Variants in OLFML2A observed in about 807,000 individuals in gnomAD.
OLFML2A encodes the protein olfactomedin-like protein 2A.
OLFML2A carries 47 observed loss-of-function variants against 60.9 expected under a neutral mutation model. The observed-to-expected ratio is 0.77, with a 90% CI of 0.61 to 0.98. The LOEUF (loss-of-function observed/expected upper bound fraction) is 0.98, where lower values mean the gene tolerates loss of function less well. Ranked by LOEUF, OLFML2A falls within the 50% of genes least tolerant of loss-of-function variation. OLFML2A has a pLI of 0.00. For synonymous variants in OLFML2A, 372 were observed against 375.0 expected (o/e 0.99, Z 0.09); for missense variants, 922 against 879.8 (o/e 1.05, Z -0.61).
chr9:124,807,919 A>C lies in OLFML2A; in HGVS notation c.1307A>C (p.Tyr436Ser). The C allele has an allele frequency of 1.2e-6, 2 of 1,614,098 alleles. No individual in the cohort carries two copies. The highest frequency in any genetic ancestry group is 1.7e-6 in the Non-Finnish European group (2 of 1,179,974). The change falls in exon 7 of 8, where the codon TAT becomes TCT. Residue 436 changes from tyrosine to serine, a missense_variant. Transcript: ENST00000373580. ...DDRIYVTNYY[Y>S]GNSLVEFRNL... ...AGGATCTATGTCACCAACTACTACT[A>C]TGGAAACAGCCTGGTGGAGTTCCGC...
At chr9:124,796,371 T>C (rs1841671582) in intron 3 of OLFML2A, among the ~76,000 whole-genome samples, 1 of 152,240 alleles carries the variant, frequency 6.6e-6, no homozygotes, top group African/African-American at 2.4e-5. Context: ...TATTCTCCTT[T>C]GATCTTTCCT....
Position 124,777,458 on chromosome 9 carries a change from G to A in OLFML2A, c.90+98G>A. The A allele has an allele frequency of 6.0e-6, 7 of 1,159,514 alleles. No homozygotes were observed. The highest frequency in any genetic ancestry group is 7.5e-6 in the Non-Finnish European group (7 of 928,446). 71.8% of individuals were successfully genotyped at this position (1,159,514 alleles called of 1,614,324 possible). A position where few individuals can be genotyped will look rare whatever the true frequency, so the allele number is the denominator to read the frequency against. Reference sequence around the variant, plus strand: ...GCCCGGGAGGGAGCCCGGGGCCAGGGCGGAGGAGCCGGGAGCTGAGAGACC... The same window carrying A: ...GCCCGGGAGGGAGCCCGGGGCCAGGACGGAGGAGCCGGGAGCTGAGAGACC... On this transcript the variant is annotated intron_variant, in intron 1 of 7. Transcript: ENST00000373580. The surrounding 1 kb of genome is among the most constrained non-coding windows in gnomAD (Gnocchi z 6.2).
At chr9:124,804,906 A>G (rs992939616) in intron 6 of OLFML2A, among the ~76,000 whole-genome samples, 5 of 151,822 alleles carry the variant, frequency 3.3e-5, no homozygotes, top group African/African-American at 1.2e-4. Context: ...ACAGGGTTTC[A>G]CTACCAGGCT....
chr9:124,810,067 C>T lies in OLFML2A; in HGVS notation c.1614C>T (p.Asp538=), dbSNP rs1448450449. The change falls in exon 8 of 8, where the codon GAC becomes GAT. Residue 538 remains aspartate (D), a synonymous_variant. Coordinates refer to ENST00000373580, the MANE Select transcript of OLFML2A (RefSeq NM_182487.4). ...TGTGGGTCATCTACCCCGCCGTGGACGACCGCGATGAGGCCCAGCCCGAGG... is the reference window on the plus strand; with the variant it reads ...TGTGGGTCATCTACCCCGCCGTGGATGACCGCGATGAGGCCCAGCCCGAGG... The part of the protein sequence containing the change: ...SGLWVIYPAV[D]DRDEAQPEVI... 6.2e-6 allele frequency: 10 copies of T among 1,613,784 alleles called. No homozygotes were observed. The highest frequency in any genetic ancestry group is 1.3e-5 in the African/African-American group (1 of 74,936).
chr9:124,778,286 G>A (rs529668815), intron 1 of OLFML2A, among the ~76,000 whole-genome samples: 17 of 151,894 alleles, frequency 1.1e-4, no homozygotes, highest in African/African-American at 3.9e-4. Context: ...GCGTGAACCC[G>A]GGAGGCGGAG....
Position 124,804,343 on chromosome 9 carries a change from G to C in OLFML2A, c.1168+1G>C, listed in dbSNP as rs1478597665. On this transcript the variant is annotated splice_donor_variant, in intron 6 of 7. Coordinates refer to ENST00000373580, the MANE Select transcript of OLFML2A (RefSeq NM_182487.4). LOFTEE classifies it high-confidence loss of function. ...TCAGGTCCAGAAGTCTCCAGCCAAG[G>C]TGAGTGAGCCTCACAGGAGTCAGCA... is the stretch of plus-strand genomic sequence containing the variant. 1.3e-6 allele frequency: 2 copies of C among 1,541,416 alleles called. No individual in the cohort carries two copies. Among genetic ancestry groups the C allele is most frequent in the Non-Finnish European group, 1.8e-6 (2 of 1,142,836 alleles).
In OLFML2A at chr9:124,808,045, T is replaced by C. The variant is rs1564289275; in HGVS notation, c.1354+79T>C. The C allele has an allele frequency of 6.3e-6, 7 of 1,113,736 alleles. No homozygotes were observed. The Admixed American group carries it at 1.3e-4, about 21-fold the overall frequency. 69.0% of individuals were successfully genotyped at this position (1,113,736 alleles called of 1,614,324 possible). A position where few individuals can be genotyped will look rare whatever the true frequency, so the allele number is the denominator to read the frequency against. ...GGTCCTCATGGGGACTTGGCCTTCC[T>C]TGCCTTGTGGGTTTCTATGGTATAG... On this transcript the variant is annotated intron_variant, in intron 7 of 7. Coordinates refer to ENST00000373580, the MANE Select transcript of OLFML2A (RefSeq NM_182487.4).
At chr9:124,809,291 A>G (rs938610613) in intron 7 of OLFML2A, among the ~76,000 whole-genome samples, 7 of 152,190 alleles carry the variant, frequency 4.6e-5, no homozygotes, top group African/African-American at 1.7e-4. Flanking sequence ...AAGTATCAAG[A>G]TGAAGGCTTC....
At chr9:124,793,462 A>G (rs1012054202) in intron 2 of OLFML2A, among the ~76,000 whole-genome samples, 2 of 152,178 alleles carry the variant, frequency 1.3e-5, no homozygotes, top group Non-Finnish European at 2.9e-5. Flanking sequence ...TGACCATGAC[A>G]CAGGAGCCAT....
intron 3 of OLFML2A, among the ~76,000 whole-genome samples, chr9:124,796,179 C>T (rs1564285039): frequency 6.6e-6 from 1 of 152,220 alleles, no homozygotes; most frequent in Non-Finnish European, 1.5e-5. Context: ...TTAACCCCTT[C>T]CTCACCCCAA....
intron 1 of OLFML2A, chr9:124,778,815 C>CA (rs112508575): frequency 0.057 from 11,028 of 192,086 alleles, 331 homozygotes; most frequent in African/African-American, 0.13. Context: ...ACAAAACAAA[C>CA]AAAAAAAAAA....
chr9:124,778,210 A>C (rs1272881250), intron 1 of OLFML2A, among the ~76,000 whole-genome samples: 1 of 151,926 alleles, frequency 6.6e-6, no homozygotes, highest in Non-Finnish European at 1.5e-5. Flanking sequence ...ATACAAAAAA[A>C]AGTAGCCAGG....
chr9:124,784,943 G>GTTTCTTTTTTTTTTTTT (rs1841429673), intron 1 of OLFML2A, among the ~76,000 whole-genome samples: 1 of 69,542 alleles, frequency 1.4e-5, no homozygotes, highest in African/African-American at 6.5e-5. Context: ...CCTTTTACTT[G>GTTTCTTTTTTTTTTTTT]TTTTTTTTTT....
In OLFML2A at chr9:124,780,853, CAA is replaced by C. The variant is rs566078006; in HGVS notation, c.90+3496_90+3497del. Among the ~76,000 whole-genome samples the C allele has an allele frequency of 1.2e-3, 181 of 152,276 alleles. 2 individuals are homozygous for C. The highest frequency in any genetic ancestry group is 3.9e-3 in the African/African-American group (162 of 41,536). On this transcript the variant is annotated intron_variant, in intron 1 of 7. Transcript: ENST00000373580. The stretch of plus-strand genomic sequence containing the variant: ...TTTTATGGTCTTGAACACTGAGGCT[CAA>C]AAGAGTCTGATTGAGGTTGTTCAAA...
Position 124,801,463 on chromosome 9 carries a change from A to G in OLFML2A, c.719A>G (p.Gln240Arg), listed in dbSNP as rs1841772467. The change falls in exon 5 of 8, where the codon CAG becomes CGG. Residue 240 changes from glutamine (Q) to arginine (R), a missense_variant. By Grantham distance (43) the Gln-to-Arg change is conservative. Transcript: ENST00000373580. ...GACATCAGCAAGTATGGCAGTGTGC[A>G]GAAAAGCTTTGCAGACAGAGGCCTC... Reference protein sequence around the residue: ...GKDISKYGSVQKSFADRGLPK... With the variant: ...GKDISKYGSVRKSFADRGLPK... 1 of 1,614,136 alleles carries G rather than the reference A, an allele frequency of 6.2e-7. No homozygotes were observed. The highest frequency in any genetic ancestry group is 2.2e-5 in the East Asian group (1 of 44,882).
At chr9:124,809,166 C>T (rs185987619) in intron 7 of OLFML2A, among the ~76,000 whole-genome samples, 2 of 151,874 alleles carry the variant, frequency 1.3e-5, no homozygotes, top group East Asian at 1.9e-4. Flanking sequence ...GACTCTATCT[C>T]GAAAAATATG....
chr9:124,782,856 G>A (rs1362097394), intron 1 of OLFML2A, among the ~76,000 whole-genome samples: 1 of 152,132 alleles, frequency 6.6e-6, no homozygotes, highest in Non-Finnish European at 1.5e-5. Flanking sequence ...CCAGGAGGAG[G>A]CTTCCCTGGC....
rs75414524 is a variant in OLFML2A, at chr9:124,804,308, C to T, written c.1134C>T (p.Thr378=). The T allele has an allele frequency of 7.7e-6, 12 of 1,554,144 alleles. No individual in the cohort carries two copies. The highest frequency in any genetic ancestry group is 4.1e-5 in the African/African-American group (3 of 73,068). The change falls in exon 6 of 8, where the codon ACC becomes ACT. Residue 378 remains threonine (T), a synonymous_variant. Transcript: ENST00000373580. ...CCCCCACCACCAGTCTCCTGCCCAC[C>T]GAGCCACCTTCAGGTCCAGAAGTCT... The part of the protein sequence containing the change: ...TPTPTTSLLP[T]EPPSGPEVSS...
chr9:124,810,018 A>G lies in OLFML2A; in HGVS notation c.1565A>G (p.Asp522Gly), dbSNP rs772573094. Residue 522 changes from aspartate (D) to glycine (G), a missense_variant, in exon 8 of 8, where the codon GAC becomes GGC. Coordinates refer to ENST00000373580, the MANE Select transcript of OLFML2A (RefSeq NM_182487.4). The stretch of plus-strand genomic sequence containing the variant: ...AAGTGGCGCGGACACTCGGACATTG[A>G]CTTTGCCGTGGACGAGAGCGGCCTG... Reference protein sequence around the residue: ...PWKWRGHSDIDFAVDESGLWV... With the variant: ...PWKWRGHSDIGFAVDESGLWV... 15 of 1,613,866 alleles carry G rather than the reference A, an allele frequency of 9.3e-6. No homozygotes were observed. The highest frequency in any genetic ancestry group is 1.3e-5 in the Non-Finnish European group (15 of 1,180,020).
Sources: gnomAD v4.1 joint callset for allele counts (sites outside exome capture counted in the v4.1 genomes callset) on GRCh38, gnomAD v4.1.1 for gene constraint, Gnocchi (gnomAD v3.1) non-coding constraint, MANE v1.5 for transcripts, NCBI Gene and HGNC (gene_info 2026-07-23, HGNC 2026-07-21) for gene names.